Variants in CUL2 observed in about 807,000 individuals in gnomAD.
The protein encoded by CUL2 is cullin-2.
CUL2 carries 22 observed loss-of-function variants against 110.2 expected under a neutral mutation model. The observed-to-expected ratio is 0.20, with a 90% confidence interval of 0.14 to 0.28. The LOEUF is 0.28. Among genes scored for constraint, CUL2 ranks in the 10% least tolerant of loss-of-function variants. The pLI, the probability that CUL2 is intolerant of heterozygous loss-of-function variation, is 1.00. For synonymous variants in CUL2, 279 were observed against 293.2 expected (o/e 0.95, Z 0.49); for missense variants, 631 against 905.5 (o/e 0.70, Z 3.89).
intron 1 of CUL2, among the ~76,000 whole-genome samples, chr10:35,110,258 G>T (rs1351499614): frequency 6.6e-6 from 1 of 152,178 alleles, no homozygotes; most frequent in Non-Finnish European, 1.5e-5. Flanking sequence ...GCCACAGACT[G>T]GGTGGATTAA....
chr10:35,104,346 T>C (rs2087426634), intron 1 of CUL2, among the ~76,000 whole-genome samples: 1 of 152,170 alleles, frequency 6.6e-6, no homozygotes, highest in African/African-American at 2.4e-5. Context: ...CTCTGGAGGC[T>C]GAGGTGGGAG....
At chr10:35,046,543 T>G (rs1312600931) in intron 6 of CUL2, among the ~76,000 whole-genome samples, 1 of 152,070 alleles carries the variant, frequency 6.6e-6, no homozygotes, top group African/African-American at 2.4e-5. Context: ...CTGGTAAAGT[T>G]TAAAAAGCTA....
At chr10:35,073,969 C>G in intron 1 of CUL2, 1 of 693,182 alleles carries the variant, frequency 1.4e-6, no homozygotes, top group Non-Finnish European at 2.6e-6. Context: ...TGCTTAAGGT[C>G]ACAAAGCTAT....
At chr10:35,124,774 T>G (rs534065678) in intron 1 of CUL2, among the ~76,000 whole-genome samples, 2 of 152,118 alleles carry the variant, frequency 1.3e-5, no homozygotes, top group Admixed American at 6.6e-5. Context: ...GGGAAAGAAA[T>G]GACATCTAAC....
At chr10:35,038,513 G>T (rs1322685528) in intron 9 of CUL2, among the ~76,000 whole-genome samples, 1 of 96,608 alleles carries the variant, frequency 1.0e-5, no homozygotes, top group East Asian at 3.3e-4. Flanking sequence ...GCGACAGAGT[G>T]AGACTCTGTC....
At chr10:35,034,476 G>A (rs1184493829) in intron 10 of CUL2, among the ~76,000 whole-genome samples, 1 of 152,152 alleles carries the variant, frequency 6.6e-6, no homozygotes, top group Non-Finnish European at 1.5e-5. Flanking sequence ...AAGTGCTCCT[G>A]AACAGTGACG....
intron 17 of CUL2, among the ~76,000 whole-genome samples, chr10:35,023,142 T>A (rs557324508): frequency 6.6e-6 from 1 of 152,354 alleles, no homozygotes; most frequent in Non-Finnish European, 1.5e-5. Flanking sequence ...AAGCTACTTA[T>A]GTTAATTAGC....
chr10:35,059,324 C>A (rs928041187), intron 4 of CUL2, among the ~76,000 whole-genome samples: 5 of 152,142 alleles, frequency 3.3e-5, no homozygotes, highest in African/African-American at 1.2e-4. Flanking sequence ...TCATTGTTGT[C>A]TTATTTTAAG....
At chr10:35,026,851 T>C (rs892398888) in intron 16 of CUL2, among the ~76,000 whole-genome samples, 3 of 152,130 alleles carry the variant, frequency 2.0e-5, no homozygotes, top group African/African-American at 7.2e-5. Flanking sequence ...ATTATTATTA[T>C]ACTTTAAGTT....
intron 6 of CUL2, 97 bp downstream of exon 6, chr10:35,049,586 C>G (rs905890407): frequency 7.0e-5 from 65 of 927,888 alleles, no homozygotes; most frequent in Non-Finnish European, 1.1e-4. Flanking sequence ...AAAACCAGCC[C>G]CAAGGCTAGT....
upstream of CUL2, among the ~76,000 whole-genome samples, chr10:35,094,446 G>A (rs113831439): frequency 6.2e-3 from 942 of 152,282 alleles, 12 homozygotes; most frequent in African/African-American, 0.021. Flanking sequence ...TGTTGGTCAG[G>A]CTGGTCTTGA....
At chr10:35,011,305 G>T (rs1481941715) in intron 20 of CUL2, among the ~76,000 whole-genome samples, 1 of 149,908 alleles carries the variant, frequency 6.7e-6, no homozygotes, top group African/African-American at 2.5e-5. Context: ...CTCCTGTCTT[G>T]GCCTAACAAG....
At chr10:35,086,092 A>C (rs1305662206) in intron 1 of CUL2, among the ~76,000 whole-genome samples, 1 of 151,314 alleles carries the variant, frequency 6.6e-6, no homozygotes, top group Admixed American at 6.6e-5. Flanking sequence ...AAATTAGCTG[A>C]GAGTGGTGGA....
chr10:35,087,197 G>A (rs766245183), intron 1 of CUL2, among the ~76,000 whole-genome samples: 1 of 152,154 alleles, frequency 6.6e-6, no homozygotes, highest in Non-Finnish European at 1.5e-5. Context: ...TACTACAGGC[G>A]TGCGCCACCA....
rs2085469993 is a variant in CUL2, at chr10:35,031,074, T to C, written c.1386+226A>G. 6.6e-6 allele frequency among the ~76,000 whole-genome samples: 1 copy of C among 152,260 alleles called. No homozygotes were observed. The highest frequency in any genetic ancestry group is 2.4e-5 in the African/African-American group (1 of 41,466). On this transcript the variant is annotated intron_variant, in intron 14 of 20. Coordinates refer to ENST00000374749, the MANE Select transcript of CUL2 (RefSeq NM_003591.4). This position sits in a 1 kb window ranked among gnomAD's most constrained non-coding sequence, Gnocchi z 4.4. ...TTTAGGTGTATTCATTTATAAGTAG[T>C]AATAATCTTTTATCATTAATACTGA...
chr10:35,092,804 A>G (rs1308035815), upstream of CUL2, among the ~76,000 whole-genome samples: 1 of 152,162 alleles, frequency 6.6e-6, no homozygotes, highest in East Asian at 1.9e-4. Context: ...TTGCTTAGGG[A>G]TGAAAAACCA....
At chr10:35,026,592 T>G (rs997254550) in intron 16 of CUL2, among the ~76,000 whole-genome samples, 1 of 152,182 alleles carries the variant, frequency 6.6e-6, no homozygotes, top group Non-Finnish European at 1.5e-5. Flanking sequence ...AAAGTTTTAT[T>G]GACGATAATA....
intron 8 of CUL2, among the ~76,000 whole-genome samples, chr10:35,042,620 C>T (rs1397022189): frequency 6.6e-6 from 1 of 152,108 alleles, no homozygotes. Context: ...GAAGCTTCCA[C>T]AAAAATCCAA....
intron 1 of CUL2, among the ~76,000 whole-genome samples, chr10:35,086,279 T>C (rs981025866): frequency 6.6e-6 from 1 of 151,996 alleles, no homozygotes; most frequent in Non-Finnish European, 1.5e-5. Context: ...GGAGAATTGT[T>C]TGAGCCCAGG....
Sources: allele counts gnomAD v4.1 joint callset (sites outside exome capture counted in the v4.1 genomes callset), GRCh38; gene constraint gnomAD v4.1.1; non-coding constraint Gnocchi (gnomAD v3.1); transcripts MANE v1.5; gene names NCBI Gene and HGNC (gene_info 2026-07-23, HGNC 2026-07-21).